Variants in MED15 observed in about 807,000 individuals in gnomAD.
The protein encoded by MED15 is mediator complex subunit 15.
In MED15, 41 loss-of-function variants were observed where a neutral mutation model predicts 118.7. The observed-to-expected ratio is 0.35, with a 90% CI of 0.27 to 0.45. The LOEUF (loss-of-function observed/expected upper bound fraction) is 0.45, where lower values mean the gene tolerates loss of function less well. Among genes scored for constraint, MED15 ranks in the 20% least tolerant of loss-of-function variants. MED15 has a pLI of 1.00. For synonymous variants in MED15, 436 were observed against 413.9 expected, an observed-to-expected ratio of 1.05 and a Z score of -0.65; for missense variants, 740 against 1,025.5, an observed-to-expected ratio of 0.72 and a Z score of 3.80.
intron 1 of MED15, among the ~76,000 whole-genome samples, chr22:20,533,192 A>AAGGG (rs768379939): frequency 4.9e-4 from 75 of 152,154 alleles, no homozygotes; most frequent in Admixed American, 2.6e-3. Context: ...TGTTAGGTCT[A>AAGGG]AGGGAGGAAG....
At chr22:20,550,458 TTG>T (rs1375720302) in intron 2 of MED15, among the ~76,000 whole-genome samples, 1 of 152,250 alleles carries the variant, frequency 6.6e-6, no homozygotes, top group Admixed American at 6.5e-5. Flanking sequence ...AAAAGTGTCT[TTG>T]TATTTTTACA....
At chr22:20,518,837 T>G (rs984436361) in intron 1 of MED15, 1 of 453,350 alleles carries the variant, frequency 2.2e-6, no homozygotes, top group African/African-American at 2.0e-5. Flanking sequence ...TGGTTGATTT[T>G]CTTTTTGAGA....
intron 7 of MED15, among the ~76,000 whole-genome samples, chr22:20,567,498 T>G (rs2056485122): frequency 6.6e-6 from 1 of 152,008 alleles, no homozygotes; most frequent in Non-Finnish European, 1.5e-5. Context: ...GAGGCAAGTG[T>G]GGGGGTGAAC....
intron 4 of MED15, chr22:20,554,460 G>C (rs2055909720): frequency 6.5e-6 from 1 of 153,936 alleles, no homozygotes; most frequent in Non-Finnish European, 1.4e-5. Context: ...CCCAGGCTGA[G>C]TTGGACTCTG....
chr22:20,530,008 A>C (rs1397810000), intron 1 of MED15, among the ~76,000 whole-genome samples: 1 of 152,182 alleles, frequency 6.6e-6, no homozygotes, highest in Non-Finnish European at 1.5e-5. Flanking sequence ...ACAGGCGTGA[A>C]CCACCACACC....
chr22:20,537,275 C>A, intron 2 of MED15, 71 bp downstream of exon 2: 1 of 1,396,062 alleles, frequency 7.2e-7, no homozygotes, highest in Non-Finnish European at 1.0e-6. Context: ...ACTCTGGAAC[C>A]CCTCTGTTGG....
chr22:20,511,441 A>G (rs2054060192), intron 1 of MED15, among the ~76,000 whole-genome samples: 2 of 151,702 alleles, frequency 1.3e-5, no homozygotes, highest in South Asian at 4.2e-4. Flanking sequence ...GCAGTGAGCT[A>G]CGTTCACACC....
chr22:20,523,941 G>T, intron 1 of MED15: 1 of 704,320 alleles, frequency 1.4e-6, no homozygotes, highest in Non-Finnish European at 1.7e-6. Context: ...AGCCCAGAGG[G>T]GTGTACAGTG....
At chr22:20,552,208 T>C (rs943293990) in intron 3 of MED15, among the ~76,000 whole-genome samples, 2 of 152,250 alleles carry the variant, frequency 1.3e-5, no homozygotes, top group Non-Finnish European at 2.9e-5. Context: ...CCACTGCCGC[T>C]GCATAACCAC....
At chr22:20,510,502 G>T (rs185604191) in intron 1 of MED15, among the ~76,000 whole-genome samples, 1 of 152,190 alleles carries the variant, frequency 6.6e-6, no homozygotes, top group Admixed American at 6.5e-5. Flanking sequence ...AAATCAAGAC[G>T]TTGGCAGGGT....
rs779177806 is a variant in MED15 at position 20,564,508 on chromosome 22, GCAGCAGCAGCAGGCGGCGCTA to G, written c.523_543del (p.Ala175_Gln181del). ...AGCAGCAGCAACAGCAGCAGTTCCA[GCAGCAGCAGCAGGCGGCGCTA>G]CAGCAGCAGCAGCAGCAGCAGCAAC... On this transcript the variant is annotated inframe_deletion, in exon 6 of 18. Transcript: ENST00000263205. The G allele has an allele frequency of 4.0e-6, 6 of 1,509,996 alleles. No homozygotes were observed. The highest frequency in any genetic ancestry group is 1.7e-5 in the Admixed American group (1 of 57,942). The allele number at this position is 1,509,996 out of a possible 1,614,324, so 93.5% of individuals were successfully genotyped here.
intron 9 of MED15, among the ~76,000 whole-genome samples, chr22:20,575,628 T>C (rs1038972573): frequency 6.6e-6 from 1 of 151,980 alleles, no homozygotes; most frequent in Middle Eastern, 3.4e-3. Flanking sequence ...TCTCAACACC[T>C]CAGGAGGCCG....
chr22:20,583,816 C>T (rs1215752722), intron 13 of MED15: 1 of 235,048 alleles, frequency 4.3e-6, no homozygotes, highest in Admixed American at 5.0e-5. Flanking sequence ...GAAAATGAAA[C>T]AAGGTGGCGC....
intron 1 of MED15, among the ~76,000 whole-genome samples, chr22:20,512,163 A>G (rs1394110617): frequency 2.0e-5 from 3 of 150,796 alleles, no homozygotes; most frequent in African/African-American, 4.9e-5. Flanking sequence ...TGATTTTTAT[A>G]TTTTTTGTAG....
chr22:20,553,034 C>T (rs1361531850), intron 3 of MED15, 111 bp from the exon 4 acceptor site: 4 of 981,298 alleles, frequency 4.1e-6, no homozygotes, highest in African/African-American at 1.6e-5. Flanking sequence ...ACTAGGAGCT[C>T]CGTGGGGATT....
rs118084062 is a variant in MED15 at position 20,509,150 on chromosome 22, C to T, written c.68+1404C>T. Among the ~76,000 whole-genome samples, 584 of 151,846 alleles carry T rather than the reference C, an allele frequency of 3.8e-3. 18 individuals carry two copies. In the East Asian group the frequency reaches 0.096, roughly 25 times the overall value. Reference sequence around the variant, plus strand: ...CTTGTAGGCTGAGAGTTCTGGGGCTCGAGGAGTAAGAGAGCCCAGGAGATG... The same window carrying T: ...CTTGTAGGCTGAGAGTTCTGGGGCTTGAGGAGTAAGAGAGCCCAGGAGATG... On this transcript the variant is annotated intron_variant, in intron 1 of 17. Coordinates refer to ENST00000263205, the MANE Select transcript of MED15 (RefSeq NM_001003891.3).
At chr22:20,555,529 T>C (rs1005751694) in intron 5 of MED15, among the ~76,000 whole-genome samples, 2 of 152,218 alleles carry the variant, frequency 1.3e-5, no homozygotes, top group Non-Finnish European at 2.9e-5. Context: ...GGGCACCATC[T>C]CTTCTAGTGC....
intron 5 of MED15, among the ~76,000 whole-genome samples, chr22:20,556,972 C>A (rs922927726): frequency 2.0e-5 from 3 of 152,148 alleles, no homozygotes; most frequent in Non-Finnish European, 4.4e-5. Flanking sequence ...TTCCATGGAA[C>A]GGATTTTCCA....
intron 1 of MED15, among the ~76,000 whole-genome samples, chr22:20,511,064 T>C (rs2054046785): frequency 6.6e-6 from 1 of 152,210 alleles, no homozygotes; most frequent in Non-Finnish European, 1.5e-5. Flanking sequence ...CCTTGATTTA[T>C]TGTGCTCATA....
Sources: gnomAD v4.1 joint callset for allele counts (sites outside exome capture counted in the v4.1 genomes callset) on GRCh38, gnomAD v4.1.1 for gene constraint, MANE v1.5 for transcripts, NCBI Gene and HGNC (gene_info 2026-07-23, HGNC 2026-07-21) for gene names.